HLCS: variants seen among roughly 807,000 people sequenced by gnomAD.
HLCS encodes biotin--protein ligase.
HLCS carries 53 observed loss-of-function variants against 75.0 expected under a neutral mutation model. That is an observed-to-expected ratio of 0.71 (90% confidence interval 0.57 to 0.89). The LOEUF (loss-of-function observed/expected upper bound fraction) is 0.89, where lower values mean the gene tolerates loss of function less well. HLCS is among the 40% of genes least tolerant of loss of function. The pLI is 0.00. For missense variants in HLCS, 966 were observed against 1,074.0 expected, an observed-to-expected ratio of 0.90 and a Z score of 1.41; for synonymous variants, 431 against 428.6, an observed-to-expected ratio of 1.01 and a Z score of -0.07.
intron 6 of HLCS, among the ~76,000 whole-genome samples, chr21:36,820,028 G>A (rs1465625248): frequency 6.6e-6 from 1 of 152,198 alleles, no homozygotes; most frequent in Admixed American, 6.5e-5. Context: ...CTCACGCCAT[G>A]TCAGGGTCCC....
At chr21:36,986,135 T>A (rs1452577437) in intron 1 of HLCS, among the ~76,000 whole-genome samples, 1 of 152,140 alleles carries the variant, frequency 6.6e-6, no homozygotes, top group Non-Finnish European at 1.5e-5. Flanking sequence ...AGTGGGCTCC[T>A]GATAAAGGGA....
At chr21:36,816,874 T>C (rs533081004) in intron 6 of HLCS, among the ~76,000 whole-genome samples, 69 of 152,268 alleles carry the variant, frequency 4.5e-4, no homozygotes, top group African/African-American at 1.6e-3. Flanking sequence ...TCCTTTCCCA[T>C]GACTCGTAAG....
intron 2 of HLCS, among the ~76,000 whole-genome samples, chr21:36,950,267 T>C (rs1014417466): frequency 3.8e-4 from 28 of 74,096 alleles, no homozygotes; most frequent in African/African-American, 1.5e-3. Context: ...ATGTATATAT[T>C]ATGTCCAATT....
chr21:36,868,670 G>A (rs11701035), intron 6 of HLCS, among the ~76,000 whole-genome samples: 29,669 of 151,696 alleles, frequency 0.2, 3,084 homozygotes, highest in Middle Eastern at 0.3. Context: ...AAAAAAAAAG[G>A]CGTCATGAGA....
chr21:36,754,535 C>T (rs556643181), intron 10 of HLCS, 118 bp from the exon 11 acceptor site: 655 of 1,088,384 alleles, frequency 6.0e-4, no homozygotes, highest in Non-Finnish European at 8.0e-4. Flanking sequence ...GGCTGAGGCT[C>T]GCTGCAGGGA....
intron 5 of HLCS, among the ~76,000 whole-genome samples, chr21:36,924,967 A>G (rs2066336621): frequency 6.6e-6 from 1 of 152,090 alleles, no homozygotes; most frequent in South Asian, 2.1e-4. Flanking sequence ...TACCTTAAAT[A>G]TATACAATTT....
intron 5 of HLCS, among the ~76,000 whole-genome samples, chr21:36,897,465 G>A (rs530523827): frequency 2.3e-4 from 35 of 152,148 alleles, no homozygotes; most frequent in African/African-American, 6.7e-4. Context: ...CCAGTCCTCC[G>A]TTCATTTTAC....
intron 6 of HLCS, among the ~76,000 whole-genome samples, chr21:36,885,199 A>C (rs1322400795): frequency 6.6e-6 from 1 of 152,056 alleles, no homozygotes; most frequent in Non-Finnish European, 1.5e-5. Context: ...TCAAACAAAA[A>C]CTCCATTCCA....
Position 36,938,945 on chromosome 21 carries a change from T to C in HLCS, c.380A>G (p.Asp127Gly). 1 of 1,612,986 alleles carries C rather than the reference T, an allele frequency of 6.2e-7. No individual in the cohort carries two copies. The highest frequency in any genetic ancestry group is 8.5e-7 in the Non-Finnish European group (1 of 1,179,992). Residue 127 changes from aspartate (D) to glycine (G), a missense_variant, in exon 3 of 11, where the codon GAT becomes GGT. Coordinates refer to ENST00000674895, the MANE Select transcript of HLCS (RefSeq NM_001352514.2). ...TGCTTCAGCAATTAGCCGATAAGGA[T>C]CCCCAGGTCTGCAAGCTAATGGCAA... ...CCLPLACRPG[D>G]PYRLIAEASV...
intron 6 of HLCS, among the ~76,000 whole-genome samples, chr21:36,887,129 CAAAA>C (rs11306825): frequency 7.3e-6 from 1 of 136,290 alleles, no homozygotes. Context: ...GATTCTGTCT[CAAAA>C]AAAAAAAAAA....
rs775080501 is a variant in HLCS, at chr21:36,754,241, C to T, written c.*5G>A. 2.8e-5 allele frequency: 45 copies of T among 1,613,590 alleles called. No individual in the cohort carries two copies. The highest frequency in any genetic ancestry group is 2.1e-4 in the South Asian group (19 of 91,040). On this transcript the variant is annotated 3_prime_UTR_variant, in exon 11 of 11. Transcript: ENST00000674895. ...CAGGCAGCCGCGTCTCGGGGACGCC[C>T]GGCATTACCGCCGTTTGGGGAGGAT... is the stretch of plus-strand genomic sequence containing the variant.
chr21:36,950,110 C>G (rs534634942), intron 2 of HLCS, among the ~76,000 whole-genome samples: 1 of 152,174 alleles, frequency 6.6e-6, no homozygotes, highest in South Asian at 2.1e-4. Flanking sequence ...AGGTTTGCTC[C>G]CCTCCAATCC....
chr21:36,932,813 C>A (rs953366370), intron 4 of HLCS, among the ~76,000 whole-genome samples: 3 of 152,174 alleles, frequency 2.0e-5, no homozygotes, highest in African/African-American at 7.2e-5. Context: ...AATATACTAA[C>A]CAAATGTTAG....
intron 1 of HLCS, among the ~76,000 whole-genome samples, chr21:36,983,345 G>A (rs1406970302): frequency 6.6e-6 from 1 of 151,676 alleles, no homozygotes; most frequent in African/African-American, 2.4e-5. Flanking sequence ...GAAGTAGCTA[G>A]GACTACAGGT....
chr21:36,855,486 C>T (rs1447090165), intron 6 of HLCS, among the ~76,000 whole-genome samples: 1 of 143,468 alleles, frequency 7.0e-6, no homozygotes, highest in Non-Finnish European at 1.5e-5. Context: ...TGCAGTGAGC[C>T]GAGATCACAC....
In HLCS at chr21:36,791,402, G is replaced by A. The variant is rs191812944; in HGVS notation, c.1893-24117C>T. Among the ~76,000 whole-genome samples, 15 of 152,266 alleles carry A rather than the reference G, an allele frequency of 9.9e-5. No homozygotes were observed. In the East Asian group the frequency reaches 2.5e-3, roughly 25 times the overall value. ...AAGTTCCTGCTGGGTCGGCCAAGAG[G>A]TATGAACCAAAAATGAAAAAACATG... On this transcript the variant is annotated intron_variant, in intron 6 of 10. Transcript: ENST00000674895.
At chr21:36,863,933 G>A (rs1451921091) in intron 6 of HLCS, among the ~76,000 whole-genome samples, 7 of 152,120 alleles carry the variant, frequency 4.6e-5, no homozygotes, top group Admixed American at 4.6e-4. Context: ...TGAAAGCCCT[G>A]CATATTTTTA....
intron 10 of HLCS, among the ~76,000 whole-genome samples, chr21:36,756,275 A>G (rs1301142899): frequency 2.0e-5 from 3 of 148,356 alleles, no homozygotes; most frequent in East Asian, 1.9e-4. Context: ...CACCTCCACT[A>G]AAAATACAAA....
At chr21:36,793,592 G>A (rs762015595) in intron 6 of HLCS, among the ~76,000 whole-genome samples, 9 of 152,082 alleles carry the variant, frequency 5.9e-5, no homozygotes, top group Non-Finnish European at 1.2e-4. Context: ...GAGCCACCGC[G>A]CCCAGCCAGG....
Sources: gnomAD v4.1 joint callset for allele counts (sites outside exome capture counted in the v4.1 genomes callset) on GRCh38, gnomAD v4.1.1 for gene constraint, MANE v1.5 for transcripts, NCBI Gene and HGNC (gene_info 2026-07-23, HGNC 2026-07-21) for gene names.